Variants in SECISBP2L observed in about 807,000 individuals in gnomAD.
The protein encoded by SECISBP2L is SECIS binding protein 2 like.
A neutral mutation model predicts 114.7 loss-of-function variants in SECISBP2L; 43 were observed. The observed-to-expected ratio is 0.38, with a 90% CI of 0.29 to 0.48. The LOEUF is 0.48. Ranked by LOEUF, SECISBP2L falls within the 20% of genes least tolerant of loss-of-function variation. The pLI is 0.98. For synonymous variants in SECISBP2L, 451 were observed against 439.7 expected, an observed-to-expected ratio of 1.03 and a Z score of -0.32; for missense variants, 1,136 against 1,301.1, an observed-to-expected ratio of 0.87 and a Z score of 1.95.
chr15:49,020,792 T>C lies in SECISBP2L; in HGVS notation c.1036-1240A>G, dbSNP rs555676526. ...CAAAGTGCTGGGATTACAGGCATGA[T>C]TCACCGTGCCCAGCTACTCTTTAAT... On this transcript the variant is annotated intron_variant, in intron 7 of 17. Transcript: ENST00000559471. Among the ~76,000 whole-genome samples the C allele has an allele frequency of 1.8e-4, 28 of 152,200 alleles. No homozygotes were observed. In the East Asian group the frequency reaches 5.0e-3, roughly 27 times the overall value.
intron 7 of SECISBP2L, 129 bp from the exon 8 acceptor site, chr15:49,019,681 C>A: frequency 1.4e-6 from 1 of 707,314 alleles, no homozygotes; most frequent in South Asian, 6.9e-5. Flanking sequence ...AAGTGCATCA[C>A]TTATTTTAAA....
rs767409360 is a variant in SECISBP2L, at chr15:49,037,755, T to A, written c.39A>T (p.Ser13=). The change falls in exon 2 of 18, where the codon TCA becomes TCT. Residue 13 remains serine, a synonymous_variant. Transcript: ENST00000559471. The part of the protein sequence containing the change: ...RAPTEQNVKL[S]AEVEPFIPQK... The stretch of plus-strand genomic sequence containing the variant: ...GGGGAATAAATGGCTCCACCTCAGC[T>A]GACAGCTTGACATTCTTCAAAGAGA... 1.2e-6 allele frequency: 2 copies of A among 1,600,346 alleles called. No homozygotes were observed. The highest frequency in any genetic ancestry group is 1.7e-6 in the Non-Finnish European group (2 of 1,170,880).
chr15:48,994,285 C>T (rs1195193453), intron 17 of SECISBP2L, among the ~76,000 whole-genome samples: 1 of 152,166 alleles, frequency 6.6e-6, no homozygotes, highest in African/African-American at 2.4e-5. Flanking sequence ...ACACCTGTAG[C>T]TCAAAAACTA....
intron 1 of SECISBP2L, among the ~76,000 whole-genome samples, chr15:49,038,168 A>G (rs1403469529): frequency 1.3e-5 from 2 of 152,166 alleles, no homozygotes; most frequent in Non-Finnish European, 1.5e-5. Flanking sequence ...TTATTACTCT[A>G]TATTTGTTTG....
intron 11 of SECISBP2L, 168 bp downstream of exon 11, chr15:49,016,392 G>A (rs543184089): frequency 4.0e-5 from 21 of 524,530 alleles, no homozygotes; most frequent in South Asian, 1.9e-4. Flanking sequence ...CAAGGCTTGC[G>A]GTTTAAGCTG....
intron 14 of SECISBP2L, among the ~76,000 whole-genome samples, chr15:49,001,460 T>C (rs1322567597): frequency 2.5e-5 from 1 of 39,322 alleles, no homozygotes; most frequent in Admixed American, 1.8e-4. Context: ...CATCGTATTC[T>C]TTTTTTTTTT....
In SECISBP2L at chr15:48,991,276, A is replaced by AT. The variant is rs1901973241; in HGVS notation, c.*967dup. ...GCTCAAGGCTAGGTGCAAAATAGGT[A>AT]TTTTTTAAAAGGTGAAACAGTTTTG... On this transcript the variant is annotated 3_prime_UTR_variant, in exon 18 of 18. Transcript: ENST00000559471. 6.6e-6 allele frequency: 1 copy of AT among 152,204 alleles called. No homozygotes were observed. The highest frequency in any genetic ancestry group is 1.5e-5 in the Non-Finnish European group (1 of 68,018). The allele number at this position is 152,204 out of a possible 1,614,324, so 9.4% of individuals were successfully genotyped here.
At chr15:49,027,610 ATT>A (rs1038828132) in intron 6 of SECISBP2L, 130 bp from the exon 7 acceptor site, 427 of 357,760 alleles carry the variant, frequency 1.2e-3, no homozygotes, top group East Asian at 4.7e-3. Flanking sequence ...AAACCTTATT[ATT>A]TTTTTTTTTT....
At chr15:49,009,183 CTA>C in intron 14 of SECISBP2L, 31 bp downstream of exon 14, 1 of 1,603,608 alleles carries the variant, frequency 6.2e-7, no homozygotes, top group Non-Finnish European at 8.5e-7. Context: ...GATCCTTAAA[CTA>C]TTCAACCTCA....
rs547394735 is a variant in SECISBP2L at position 49,026,992 on chromosome 15, A to T, written c.1035+373T>A. Among the ~76,000 whole-genome samples the T allele has an allele frequency of 5.4e-4, 83 of 152,358 alleles. 1 individual carries two copies. In the South Asian group the frequency reaches 0.016, roughly 30 times the overall value. ...TTAGCACAAAAGGGTATTTACAGTC[A>T]AGTAAAGACACGTGGACAAGGCTAC... On this transcript the variant is annotated intron_variant, in intron 7 of 17. Transcript: ENST00000559471.
At position 48,992,299 on chromosome 15, in the gene SECISBP2L, C is replaced by T; in HGVS notation, c.3251G>A (p.Cys1084Tyr). The T allele has an allele frequency of 6.2e-7, 1 of 1,613,470 alleles. No homozygotes were observed. The highest frequency in any genetic ancestry group is 8.5e-7 in the Non-Finnish European group (1 of 1,179,834). Residue 1084 changes from cysteine (C) to tyrosine (Y), a missense_variant, in exon 18 of 18, where the codon TGC becomes TAC. By Grantham distance (194) the Cys-to-Tyr change is radical. Transcript: ENST00000559471. ...AGAGTGCTCTTTGTTGAGCGAGCTG[C>T]AGTTGCTGGACTTCTGCTGCCCAGG... is the stretch of plus-strand genomic sequence containing the variant. ...ASPGQQKSSN[C>Y]SSLNKEHSDS...
At chr15:49,016,072 A>C (rs961125773) in intron 11 of SECISBP2L, among the ~76,000 whole-genome samples, 18 of 152,214 alleles carry the variant, frequency 1.2e-4, no homozygotes, top group African/African-American at 4.3e-4. Flanking sequence ...GGGTCAGCTA[A>C]AATATGGCTT....
chr15:48,993,285 A>C (rs1238612120), intron 17 of SECISBP2L, among the ~76,000 whole-genome samples: 1 of 151,994 alleles, frequency 6.6e-6, no homozygotes, highest in Non-Finnish European at 1.5e-5. Context: ...ACTGTGCCCA[A>C]CCTAATTTAA....
intron 8 of SECISBP2L, among the ~76,000 whole-genome samples, chr15:49,018,626 A>G (rs1902583773): frequency 6.6e-6 from 1 of 152,226 alleles, no homozygotes; most frequent in Admixed American, 6.5e-5. Context: ...CCTCCCATCT[A>G]TTAACTCATT....
At chr15:49,009,950 G>A (rs556696295) in intron 13 of SECISBP2L, among the ~76,000 whole-genome samples, 77 of 152,142 alleles carry the variant, frequency 5.1e-4, no homozygotes, top group Non-Finnish European at 9.7e-4. Context: ...AGCCAACATG[G>A]TGAAACCCCA....
At position 49,035,515 on chromosome 15, in the gene SECISBP2L, C is replaced by T. The variant is rs1165165529; in HGVS notation, c.347G>A (p.Cys116Tyr). 6.2e-7 allele frequency: 1 copy of T among 1,614,150 alleles called. No individual in the cohort carries two copies. The stretch of plus-strand genomic sequence containing the variant: ...ATGATAGAAACCCATAACCTGGGCA[C>T]ATGGTGCTGGCATCAGCTGATAATA... ...YTYYQLMPAP[C>Y]AQVMGFYHPF... The change falls in exon 3 of 18, where the codon TGT (cysteine) becomes TAT (tyrosine). Residue 116 changes from cysteine (C) to tyrosine (Y), a missense_variant. Physicochemically the swap from Cys to Tyr is radical, Grantham distance 194 (BLOSUM62 -2). Around this residue, in one of 2 missense-constraint regions of SECISBP2L, gnomAD observed 452 missense variants for 452.3 expected, o/e 1.00. Transcript: ENST00000559471.
chr15:49,028,723 C>G, intron 4 of SECISBP2L, 41 bp from the exon 5 acceptor site: 1 of 1,462,170 alleles, frequency 6.8e-7, no homozygotes, highest in Non-Finnish European at 9.6e-7. Context: ...TTGTGATGAA[C>G]AAATTGATAA....
chr15:49,039,135 T>C (rs1330041286), intron 1 of SECISBP2L, among the ~76,000 whole-genome samples: 2 of 152,204 alleles, frequency 1.3e-5, no homozygotes, highest in Non-Finnish European at 2.9e-5. Context: ...TTCAGTATCC[T>C]TCCTCCCTAC....
intron 1 of SECISBP2L, among the ~76,000 whole-genome samples, chr15:49,039,861 T>C (rs920159675): frequency 2.0e-5 from 3 of 152,146 alleles, no homozygotes; most frequent in Non-Finnish European, 4.4e-5. Flanking sequence ...TTACGACATA[T>C]GAGAACTCAC....
Sources: gnomAD v4.1 joint callset for allele counts (sites outside exome capture counted in the v4.1 genomes callset) on GRCh38, gnomAD v4.1.1 for gene constraint, gnomAD v4.1.1 regional missense constraint, MANE v1.5 for transcripts, NCBI Gene and HGNC (gene_info 2026-07-23, HGNC 2026-07-21) for gene names.